The following PKHD1 variants were observed in gnomAD, a reference collection of about 807,000 sequenced individuals.
PKHD1 encodes the protein PKHD1 ciliary IPT domain containing fibrocystin/polyductin, also known as fibrocystin.
PKHD1 carries 291 observed loss-of-function variants against 412.0 expected under a neutral mutation model. The observed-to-expected ratio is 0.71, with a 90% CI of 0.64 to 0.78. PKHD1 has a LOEUF of 0.78. PKHD1 is among the 30% of genes least tolerant of loss of function. PKHD1 has a pLI of 0.00. For missense variants in PKHD1, 4,825 were observed against 4,950.7 expected (o/e 0.97, Z 0.76); for synonymous variants, 1,777 against 1,821.5 (o/e 0.98, Z 0.62).
chr6:51,618,788 T>C lies in PKHD1; in HGVS notation c.*293A>G, dbSNP rs1018992755. On this transcript the variant is annotated 3_prime_UTR_variant, in exon 67 of 67. Transcript: ENST00000371117. ...GCTGGTATAAGTCAGTATTACACCA[T>C]TATCAAGTTGTTAAAATCAGGCTTA... is the stretch of plus-strand genomic sequence containing the variant. 5 of 437,884 alleles carry C rather than the reference T, an allele frequency of 1.1e-5. No homozygotes were observed. The highest frequency in any genetic ancestry group is 1.0e-4 in the African/African-American group (5 of 49,778). 27.1% of individuals were successfully genotyped at this position (437,884 alleles called of 1,614,324 possible). A position where few individuals can be genotyped will look rare whatever the true frequency, so the allele number is the denominator to read the frequency against.
intron 35 of PKHD1, among the ~76,000 whole-genome samples, chr6:51,999,393 G>C (rs182420533): frequency 1.3e-5 from 2 of 151,920 alleles, no homozygotes; most frequent in African/African-American, 4.8e-5. Flanking sequence ...TTTTCAATTC[G>C]ATGAAGTCCG....
In PKHD1 at chr6:52,043,054, T is replaced by C; in HGVS notation, c.2902A>G (p.Lys968Glu). ...DSQFLQVTVN[K>E]TSCKVIFSNQ... is the part of the protein sequence containing the mutation. ...GAGAAAATAACTTTGCAACTCGTTTTGTTCACTGTAACCTGCAAGAACTGG... is the reference window on the plus strand; with the variant it reads ...GAGAAAATAACTTTGCAACTCGTTTCGTTCACTGTAACCTGCAAGAACTGG... The change falls in exon 27 of 67, where the codon AAA becomes GAA. Residue 968 changes from lysine (K) to glutamate (E), a missense_variant. Physicochemically the swap from Lys to Glu is moderately conservative, Grantham distance 56. Coordinates refer to ENST00000371117, the MANE Select transcript of PKHD1 (RefSeq NM_138694.4). 2 of 1,614,020 alleles carry C rather than the reference T, an allele frequency of 1.2e-6. No homozygotes were observed. Among genetic ancestry groups the C allele is most frequent in the Non-Finnish European group, 1.7e-6 (2 of 1,179,892 alleles).
At chr6:51,657,441 T>G (rs1038752952) in intron 61 of PKHD1, among the ~76,000 whole-genome samples, 1 of 152,196 alleles carries the variant, frequency 6.6e-6, no homozygotes, top group African/African-American at 2.4e-5. Flanking sequence ...CCCTTCTTTA[T>G]CTTCAGAAGA....
chr6:51,847,660 C>A, intron 50 of PKHD1, 115 bp downstream of exon 50: 1 of 815,028 alleles, frequency 1.2e-6, no homozygotes, highest in Admixed American at 1.9e-5. Context: ...AACCATAACA[C>A]ACAGCTGTCC....
intron 60 of PKHD1, chr6:51,722,010 C>T: frequency 6.2e-7 from 1 of 1,613,512 alleles, no homozygotes; most frequent in Non-Finnish European, 8.5e-7. Context: ...TCAAAGCCTG[C>T]TCAGTGGTTA....
At chr6:51,722,335 G>T (rs898946801) in intron 60 of PKHD1, among the ~76,000 whole-genome samples, 13 of 152,090 alleles carry the variant, frequency 8.5e-5, no homozygotes, top group Non-Finnish European at 1.9e-4. Context: ...TGAGGTTCAA[G>T]GTTGCGTCTC....
chr6:52,028,606 G>T (rs545339258), intron 29 of PKHD1, among the ~76,000 whole-genome samples: 74 of 151,788 alleles, frequency 4.9e-4, no homozygotes, highest in Non-Finnish European at 8.2e-4. Flanking sequence ...CAACCTCCAG[G>T]GCTCAAGCAA....
chr6:51,935,305 T>C (rs1787296297), intron 36 of PKHD1, among the ~76,000 whole-genome samples: 1 of 152,142 alleles, frequency 6.6e-6, no homozygotes, highest in African/African-American at 2.4e-5. Context: ...TGAGATTAAA[T>C]AATTTAAAAA....
In PKHD1 at chr6:51,616,060, T is replaced by C. The variant is rs983374630; in HGVS notation, c.*3021A>G. 1.3e-5 allele frequency: 2 copies of C among 152,148 alleles called. No individual in the cohort carries two copies. Among genetic ancestry groups the C allele is most frequent in the African/African-American group, 4.8e-5 (2 of 41,458 alleles). The allele number at this position is 152,148 out of a possible 1,614,324, so 9.4% of individuals were successfully genotyped here. Reference sequence around the variant, plus strand: ...AATCTATAAATATTTATAGATGTTCTTTATTTGACAAATAAAAATTGTATA... The same window carrying C: ...AATCTATAAATATTTATAGATGTTCCTTATTTGACAAATAAAAATTGTATA... On this transcript the variant is annotated 3_prime_UTR_variant, in exon 67 of 67. Coordinates refer to ENST00000371117, the MANE Select transcript of PKHD1 (RefSeq NM_138694.4).
chr6:51,885,649 C>T (rs1427443717), intron 45 of PKHD1, among the ~76,000 whole-genome samples: 1 of 152,144 alleles, frequency 6.6e-6, no homozygotes, highest in Non-Finnish European at 1.5e-5. Context: ...GAGAAAATGA[C>T]CTAACCCTGG....
chr6:51,920,279 T>C (rs755549771), intron 37 of PKHD1, among the ~76,000 whole-genome samples: 1 of 152,222 alleles, frequency 6.6e-6, no homozygotes, highest in Non-Finnish European at 1.5e-5. Flanking sequence ...TAGATAGCTC[T>C]TATGAGTTTG....
At chr6:52,000,185 C>T (rs576384279) in intron 35 of PKHD1, among the ~76,000 whole-genome samples, 2 of 152,256 alleles carry the variant, frequency 1.3e-5, no homozygotes, top group East Asian at 1.9e-4. Flanking sequence ...TGTCGCTGGT[C>T]GAGAAATAGC....
chr6:51,938,728 G>T (rs1389604054), intron 36 of PKHD1, among the ~76,000 whole-genome samples: 3 of 151,576 alleles, frequency 2.0e-5, no homozygotes, highest in African/African-American at 4.8e-5. Context: ...CCTCCCTTGG[G>T]AGATCAATCC....
At chr6:52,086,396 C>A (rs960833297) in intron 1 of PKHD1, among the ~76,000 whole-genome samples, 3 of 152,160 alleles carry the variant, frequency 2.0e-5, no homozygotes, top group Non-Finnish European at 2.9e-5. Context: ...CAGGCATGAA[C>A]CACCACACCT....
chr6:51,902,461 AC>A (rs1188910319), intron 43 of PKHD1, among the ~76,000 whole-genome samples: 9 of 152,118 alleles, frequency 5.9e-5, no homozygotes, highest in Admixed American at 5.2e-4. Flanking sequence ...CCCATTAGGC[AC>A]CTAAAATGGT....
At chr6:51,690,319 T>C (rs1434573776) in intron 60 of PKHD1, among the ~76,000 whole-genome samples, 5 of 148,528 alleles carry the variant, frequency 3.4e-5, no homozygotes, top group Non-Finnish European at 7.4e-5. Context: ...AAAATTATTT[T>C]TAAATGTACA....
chr6:51,779,652 C>T (rs955571166), intron 53 of PKHD1, among the ~76,000 whole-genome samples: 3 of 152,058 alleles, frequency 2.0e-5, no homozygotes, highest in African/African-American at 7.2e-5. Flanking sequence ...AGACTAATTT[C>T]ACCAGTAAAT....
chr6:51,779,292 GC>G (rs1791580859), intron 53 of PKHD1, among the ~76,000 whole-genome samples: 2 of 152,038 alleles, frequency 1.3e-5, no homozygotes, highest in Admixed American at 1.3e-4. Flanking sequence ...CCTTGCCTCT[GC>G]CCCCCTCTGC....
At chr6:52,059,433 G>C (rs960350124) in intron 15 of PKHD1, among the ~76,000 whole-genome samples, 1 of 151,504 alleles carries the variant, frequency 6.6e-6, no homozygotes, top group Non-Finnish European at 1.5e-5. Context: ...ATTTTTAATA[G>C]AGACAGGGTT....
Sources: allele counts gnomAD v4.1 joint callset (sites outside exome capture counted in the v4.1 genomes callset), GRCh38; gene constraint gnomAD v4.1.1; transcripts MANE v1.5; gene names NCBI Gene and HGNC (gene_info 2026-07-23, HGNC 2026-07-21).